BTG4: variants seen among roughly 807,000 people sequenced by gnomAD.
The protein encoded by BTG4 is BTG anti-proliferation factor 4.
A neutral mutation model predicts 19.3 loss-of-function variants in BTG4; 10 were observed. The observed-to-expected ratio is 0.52, with a 90% CI of 0.32 to 0.88. The LOEUF (loss-of-function observed/expected upper bound fraction) is 0.88. Among genes scored for constraint, BTG4 ranks in the 40% least tolerant of loss-of-function variants. The pLI, the probability that BTG4 is intolerant of heterozygous loss-of-function variation, is 0.04. For missense variants in BTG4, 238 were observed against 281.9 expected, an observed-to-expected ratio of 0.84 and a Z score of 1.11; for synonymous variants, 91 against 95.7, an observed-to-expected ratio of 0.95 and a Z score of 0.29.
chr11:111,484,298 C>T (rs1864919624), intron 5 of BTG4, among the ~76,000 whole-genome samples: 2 of 152,142 alleles, frequency 1.3e-5, no homozygotes, highest in South Asian at 4.1e-4. Context: ...CGTAAAAGTA[C>T]ACAGAAAAAT....
At chr11:111,387,230 C>A in the BTG4 span, among the ~76,000 whole-genome samples, 1 of 152,190 alleles carries the variant, frequency 6.6e-6, no homozygotes, top group African/African-American at 2.4e-5. Context: ...AAGAAAAGAT[C>A]ATGCCCTGCT....
chr11:111,497,699 T>A (rs936744186), intron 3 of BTG4, among the ~76,000 whole-genome samples: 7 of 152,330 alleles, frequency 4.6e-5, no homozygotes, highest in Middle Eastern at 3.4e-3. Flanking sequence ...CCTATAACAC[T>A]TATCTGTTAT....
chr11:111,430,609 G>C, the BTG4 span, among the ~76,000 whole-genome samples: 1 of 152,126 alleles, frequency 6.6e-6, no homozygotes, highest in Admixed American at 6.5e-5. Context: ...CTGACCACAC[G>C]GACACCATTA....
chr11:111,392,655 C>T, the BTG4 span, among the ~76,000 whole-genome samples: 1 of 152,166 alleles, frequency 6.6e-6, no homozygotes, highest in Non-Finnish European at 1.5e-5. Flanking sequence ...TCTTCTATAA[C>T]ACCTAGCTAT....
chr11:111,460,916 C>T, the BTG4 span, among the ~76,000 whole-genome samples: 2 of 152,194 alleles, frequency 1.3e-5, no homozygotes, highest in Non-Finnish European at 1.5e-5. Flanking sequence ...CATCCAGGCA[C>T]TCTTTACCTC....
intron 5 of BTG4, chr11:111,470,064 G>T (rs745682378): frequency 1.3e-5 from 2 of 152,562 alleles, no homozygotes; most frequent in Non-Finnish European, 2.9e-5. Context: ...AGTGTATTCA[G>T]ATATTTCTGA....
chr11:111,461,838 C>T, the BTG4 span: 1 of 152,676 alleles, frequency 6.5e-6, no homozygotes, highest in East Asian at 1.9e-4. Flanking sequence ...GGCTGGACCA[C>T]GTGGGGCCAT....
At chr11:111,402,974 G>C in the BTG4 span, among the ~76,000 whole-genome samples, 332 of 152,318 alleles carry the variant, frequency 2.2e-3, 1 homozygote, top group African/African-American at 7.7e-3. Flanking sequence ...CCGCTTTGCA[G>C]AGTGGAACAT....
At chr11:111,390,861 C>T in the BTG4 span, among the ~76,000 whole-genome samples, 5 of 152,310 alleles carry the variant, frequency 3.3e-5, no homozygotes, top group African/African-American at 1.2e-4. Context: ...GCAGACTTCA[C>T]AGGCAGATGC....
the BTG4 span, among the ~76,000 whole-genome samples, chr11:111,393,599 G>A: frequency 3.9e-5 from 6 of 152,190 alleles, no homozygotes; most frequent in Non-Finnish European, 8.8e-5. Context: ...GCTGGGAAGA[G>A]GTTGCAGAGA....
Position 111,486,231 on chromosome 11 carries a change from T to C in BTG4, c.662+8932A>G, listed in dbSNP as rs1723529440. 2.0e-5 allele frequency among the ~76,000 whole-genome samples: 3 copies of C among 151,618 alleles called. No homozygotes were observed. In the South Asian group the frequency reaches 6.3e-4, roughly 32 times the overall value. ...TGGGTAGATCACTTGAGCCCAGGAGTTCAAGAACCAGCCTGGGCAACATGG... is the reference window on the plus strand; with the variant it reads ...TGGGTAGATCACTTGAGCCCAGGAGCTCAAGAACCAGCCTGGGCAACATGG... On this transcript the variant is annotated intron_variant, in intron 5 of 5. Coordinates refer to the BTG4 transcript ENST00000356018.
the BTG4 span, chr11:111,454,880 G>A: frequency 2.4e-6 from 1 of 420,276 alleles, no homozygotes; most frequent in Admixed American, 2.4e-5. Flanking sequence ...GTTGGCAGCA[G>A]GGGGCGCTGC....
chr11:111,435,791 A>G, the BTG4 span, among the ~76,000 whole-genome samples: 55 of 152,234 alleles, frequency 3.6e-4, no homozygotes, highest in East Asian at 5.6e-3. Context: ...TTACCATGCA[A>G]TCAAACACAA....
chr11:111,468,646 A>T (rs1460453150), intron 5 of BTG4, among the ~76,000 whole-genome samples: 1 of 152,242 alleles, frequency 6.6e-6, no homozygotes, highest in Non-Finnish European at 1.5e-5. Flanking sequence ...ACTTCAAATC[A>T]ACAGGCAAGA....
chr11:111,467,605 GC>G (rs1863797183), exon 6 of BTG4: 1 of 729,796 alleles, frequency 1.4e-6, no homozygotes, highest in Admixed American at 2.2e-5. Flanking sequence ...TGCCATGGAA[GC>G]CCAAGGCAGT....
chr11:111,437,658 G>A, the BTG4 span, among the ~76,000 whole-genome samples: 1 of 152,132 alleles, frequency 6.6e-6, no homozygotes, highest in Non-Finnish European at 1.5e-5. Flanking sequence ...ACAACAGCGA[G>A]TGCCTAGACC....
chr11:111,498,506 T>G, intron 2 of BTG4, 98 bp downstream of exon 2: 1 of 1,094,496 alleles, frequency 9.1e-7, no homozygotes, highest in South Asian at 1.4e-5. Context: ...AAAACTTTTG[T>G]TACTTATATG....
chr11:111,493,998 C>T (rs375458781), downstream of BTG4, among the ~76,000 whole-genome samples: 2 of 152,104 alleles, frequency 1.3e-5, no homozygotes, highest in Non-Finnish European at 2.9e-5. Context: ...AGTCTACTCA[C>T]AAGAGAACCA....
chr11:111,436,549 T>C, the BTG4 span, among the ~76,000 whole-genome samples: 1 of 151,078 alleles, frequency 6.6e-6, no homozygotes, highest in Admixed American at 6.6e-5. Context: ...ATCGCTTGAA[T>C]CTGGGAGACG....
Sources: gnomAD v4.1 joint callset for allele counts (sites outside exome capture counted in the v4.1 genomes callset) on GRCh38, gnomAD v4.1.1 for gene constraint, MANE v1.5 for transcripts, NCBI Gene and HGNC (gene_info 2026-07-23, HGNC 2026-07-21) for gene names.